Variants in ADAMTS14 observed in about 807,000 individuals in gnomAD.
ADAMTS14 encodes A disintegrin and metalloproteinase with thrombospondin motifs 14.
ADAMTS14 carries 100 observed loss-of-function variants against 128.6 expected under a neutral mutation model. The observed-to-expected ratio is 0.78, with a 90% CI of 0.66 to 0.92. The LOEUF (loss-of-function observed/expected upper bound fraction) is 0.92, where lower values mean the gene tolerates loss of function less well. Ranked by LOEUF, ADAMTS14 falls within the 40% of genes least tolerant of loss-of-function variation. The pLI is 0.00. For missense variants in ADAMTS14, 1,562 were observed against 1,658.6 expected (o/e 0.94, Z 1.01); for synonymous variants, 665 against 653.8 (o/e 1.02, Z -0.26).
chr10:70,696,367 T>TG (rs1053037748), intron 2 of ADAMTS14, among the ~76,000 whole-genome samples: 16 of 139,686 alleles, frequency 1.1e-4, no homozygotes, highest in Non-Finnish European at 2.3e-4. Context: ...GGGGCAGTGT[T>TG]GGGGGTCTGA....
intron 2 of ADAMTS14, among the ~76,000 whole-genome samples, chr10:70,700,267 T>C (rs1564526617): frequency 2.0e-5 from 3 of 152,094 alleles, no homozygotes; most frequent in Non-Finnish European, 2.9e-5. Flanking sequence ...CCTGGTCCCC[T>C]CCCCACACTG....
intron 4 of ADAMTS14, among the ~76,000 whole-genome samples, chr10:70,714,946 CAAAA>C (rs58012076): frequency 9.5e-5 from 6 of 63,054 alleles, no homozygotes; most frequent in Non-Finnish European, 1.8e-4. Context: ...ACTGCAGTCT[CAAAA>C]AAAAAAAAAA....
At chr10:70,743,517 T>TG in intron 12 of ADAMTS14, 31 bp from the exon 13 acceptor site, 2 of 1,602,524 alleles carry the variant, frequency 1.2e-6, no homozygotes, top group Non-Finnish European at 1.7e-6. Context: ...TGAGCCCAGC[T>TG]GGGGACTCAG....
intron 14 of ADAMTS14, among the ~76,000 whole-genome samples, chr10:70,744,686 C>A (rs1842121328): frequency 1.3e-5 from 2 of 152,162 alleles, no homozygotes; most frequent in Non-Finnish European, 2.9e-5. Flanking sequence ...GATATCAGTC[C>A]TTCACACTTT....
intron 6 of ADAMTS14, among the ~76,000 whole-genome samples, chr10:70,730,530 G>A (rs74139899): frequency 0.01 from 1,591 of 152,272 alleles, 27 homozygotes; most frequent in African/African-American, 0.036. Flanking sequence ...CCTGGCTGCT[G>A]GAAGACCCTC....
intron 2 of ADAMTS14, among the ~76,000 whole-genome samples, chr10:70,698,364 G>C (rs576172679): frequency 3.2e-4 from 49 of 152,358 alleles, no homozygotes; most frequent in African/African-American, 1.1e-3. Context: ...CAGAGAGCCA[G>C]AAAGTGCTCA....
chr10:70,681,027 A>T (rs1417895672), intron 2 of ADAMTS14, among the ~76,000 whole-genome samples: 1 of 152,228 alleles, frequency 6.6e-6, no homozygotes, highest in Non-Finnish European at 1.5e-5. Context: ...TGATATATAG[A>T]TCATTGGCAT....
chr10:70,748,518 C>G (rs1184912776), intron 15 of ADAMTS14, among the ~76,000 whole-genome samples: 1 of 152,142 alleles, frequency 6.6e-6, no homozygotes, highest in Non-Finnish European at 1.5e-5. Flanking sequence ...CTTTTTCCAC[C>G]CCTCTTCCCC....
intron 2 of ADAMTS14, among the ~76,000 whole-genome samples, chr10:70,699,897 C>G (rs918770453): frequency 1.3e-5 from 2 of 152,036 alleles, no homozygotes; most frequent in Non-Finnish European, 2.9e-5. Context: ...ACGGTGCAGG[C>G]CACTGCCCTG....
At chr10:70,752,334 C>T (rs574722816) in intron 18 of ADAMTS14, 107 bp downstream of exon 18, 46 of 1,455,342 alleles carry the variant, frequency 3.2e-5, no homozygotes, top group Non-Finnish European at 3.8e-5. Context: ...TATGGAGACA[C>T]GACCATACAG....
intron 12 of ADAMTS14, among the ~76,000 whole-genome samples, chr10:70,742,611 T>C (rs1296464145): frequency 1.3e-5 from 2 of 152,188 alleles, no homozygotes; most frequent in Non-Finnish European, 2.9e-5. Flanking sequence ...TTGAAAGCCT[T>C]CCAGATCCAT....
intron 2 of ADAMTS14, among the ~76,000 whole-genome samples, chr10:70,701,377 C>T (rs1394465330): frequency 2.0e-5 from 3 of 152,230 alleles, no homozygotes; most frequent in Non-Finnish European, 2.9e-5. Context: ...AGATATTTGT[C>T]GAACGAGTGA....
chr10:70,673,007 G>A, intron 1 of ADAMTS14, 123 bp downstream of exon 1: 1 of 1,279,694 alleles, frequency 7.8e-7, no homozygotes. Flanking sequence ...TGCACACTCT[G>A]GGCTGATTTG....
chr10:70,758,323 C>T (rs199662155), intron 21 of ADAMTS14, 38 bp downstream of exon 21: 2 of 1,565,144 alleles, frequency 1.3e-6, no homozygotes, highest in African/African-American at 1.4e-5. Flanking sequence ...GCTCCCCAGA[C>T]CTTTCAGTGG....
At chr10:70,676,670 T>C (rs1839656071) in intron 2 of ADAMTS14, among the ~76,000 whole-genome samples, 1 of 152,208 alleles carries the variant, frequency 6.6e-6, no homozygotes, top group Non-Finnish European at 1.5e-5. Context: ...TTGTCAGGTG[T>C]CTGGGCTGAG....
At chr10:70,735,487 C>T (rs1291943871) in intron 9 of ADAMTS14, among the ~76,000 whole-genome samples, 186 bp downstream of exon 9, 1 of 152,196 alleles carries the variant, frequency 6.6e-6, no homozygotes. Flanking sequence ...CAGGTGGACA[C>T]AGTGGCTTGG....
At chr10:70,674,027 C>G (rs73276150) in intron 1 of ADAMTS14, among the ~76,000 whole-genome samples, 1 of 152,094 alleles carries the variant, frequency 6.6e-6, no homozygotes, top group South Asian at 2.1e-4. Flanking sequence ...AATAGAGAAC[C>G]GCTCCCCTCT....
intron 8 of ADAMTS14, 111 bp from the exon 9 acceptor site, chr10:70,735,058 G>A (rs1841780681): frequency 2.2e-6 from 3 of 1,388,522 alleles, no homozygotes; most frequent in East Asian, 2.4e-5. Context: ...GAACAGAATA[G>A]CGGGTGCAAA....
Position 70,761,168 on chromosome 10 carries a change from G to T in ADAMTS14, c.*315G>T. The T allele has an allele frequency of 3.4e-6, 1 of 295,424 alleles. No individual in the cohort carries two copies. Among genetic ancestry groups the T allele is most frequent in the Non-Finnish European group, 6.3e-6 (1 of 159,496 alleles). The allele number at this position is 295,424 out of a possible 1,614,324, so 18.3% of individuals were successfully genotyped here. A position where few individuals can be genotyped will look rare whatever the true frequency, so the allele number is the denominator to read the frequency against. ...CTCCCTCCTCACAGACCCTGGGCCT[G>T]GGCAGGTCTGAATCCCGGCTGGTCT... On this transcript the variant is annotated 3_prime_UTR_variant, in exon 22 of 22. Coordinates refer to ENST00000373207, the MANE Select transcript of ADAMTS14 (RefSeq NM_080722.4).
Sources: allele counts gnomAD v4.1 joint callset (sites outside exome capture counted in the v4.1 genomes callset), GRCh38; gene constraint gnomAD v4.1.1; transcripts MANE v1.5; gene names NCBI Gene and HGNC (gene_info 2026-07-23, HGNC 2026-07-21).